SLC35F2: variants seen among roughly 807,000 people sequenced by gnomAD.
The protein encoded by SLC35F2 is solute carrier family 35 member F2, also known as queuine/queuosine transporter SLC35F2.
Under a neutral mutation model 38.1 loss-of-function variants are expected in SLC35F2, and 25 were observed. The observed-to-expected ratio is 0.66, with a 90% CI of 0.48 to 0.92. The LOEUF (loss-of-function observed/expected upper bound fraction) is 0.92. Among genes scored for constraint, SLC35F2 ranks in the 40% least tolerant of loss-of-function variants. SLC35F2 has a pLI of 0.00. For missense variants in SLC35F2, 409 were observed against 452.9 expected (o/e 0.90, Z 0.88); for synonymous variants, 173 against 181.7 (o/e 0.95, Z 0.38).
intron 1 of SLC35F2, among the ~76,000 whole-genome samples, chr11:107,855,633 C>A (rs1336034348): frequency 1.3e-5 from 2 of 149,830 alleles, no homozygotes; most frequent in African/African-American, 2.5e-5. Flanking sequence ...GCCTGGGCAA[C>A]AACAGTGAAA....
chr11:107,810,578 T>C, intron 3 of SLC35F2: 1 of 985,350 alleles, frequency 1.0e-6, no homozygotes, highest in Non-Finnish European at 1.2e-6. Context: ...AACTGCTGGG[T>C]TTAATTTTTA....
chr11:107,833,578 A>T (rs558489047), intron 1 of SLC35F2, among the ~76,000 whole-genome samples: 1 of 152,150 alleles, frequency 6.6e-6, no homozygotes, highest in South Asian at 2.1e-4. Context: ...TGCTGTTCAA[A>T]AGTATCAGAA....
intron 1 of SLC35F2, among the ~76,000 whole-genome samples, chr11:107,823,397 AG>A (rs1859705726): frequency 6.6e-6 from 1 of 152,208 alleles, no homozygotes; most frequent in Non-Finnish European, 1.5e-5. Context: ...ATTTCATATT[AG>A]TGCTAAGACT....
At chr11:107,840,805 C>T (rs1001370419) in intron 1 of SLC35F2, 2 of 152,132 alleles carry the variant, frequency 1.3e-5, no homozygotes, top group Admixed American at 6.6e-5. Flanking sequence ...GTGAGCTGGA[C>T]ACCACCAGTA....
chr11:107,843,857 AAAAAAAAAAAAATATATATATATAT>A (rs764500507), intron 1 of SLC35F2, among the ~76,000 whole-genome samples: 3,302 of 43,002 alleles, frequency 0.077, 142 homozygotes, highest in East Asian at 0.22. Context: ...AAAAAAAAAA[AAAAAAAAAAAAATATATATATATAT>A]ATATATATAT....
Position 107,858,559 on chromosome 11 carries a change from G to C in SLC35F2, c.110+99C>G, listed in dbSNP as rs944309335. The C allele has an allele frequency of 2.4e-5, 27 of 1,103,932 alleles. 1 individual carries two copies. In the African/African-American group the frequency reaches 4.4e-4, roughly 18 times the overall value. 68.4% of individuals were successfully genotyped at this position (1,103,932 alleles called of 1,614,324 possible). On this transcript the variant is annotated intron_variant, in intron 1 of 7. Coordinates refer to ENST00000525815, the MANE Select transcript of SLC35F2 (RefSeq NM_017515.5). ...GTGCGGCCGCCACCTCTGCCTCCCT[G>C]CTGGGGGCCTCAGAGAGTGTGCTCC...
rs1184494553 is a variant in SLC35F2 at position 107,803,161 on chromosome 11, GA to G, written c.785-7del. 4 of 1,588,418 alleles carry G rather than the reference GA, an allele frequency of 2.5e-6. No individual in the cohort carries two copies. Among genetic ancestry groups the G allele is most frequent in the African/African-American group, 1.4e-5 (1 of 73,136 alleles). Reference sequence around the variant, plus strand: ...AAATGCCACGAACAGCAGGGCTGTGGAAAAAAACATGGAATATCTAATATTA... The same window carrying G: ...AAATGCCACGAACAGCAGGGCTGTGGAAAAAACATGGAATATCTAATATTA... On this transcript the variant is annotated splice_polypyrimidine_tract_variant and splice_region_variant and intron_variant, in intron 6 of 7. Transcript: ENST00000525815.
At chr11:107,842,932 GAATA>G (rs1860034397) in intron 1 of SLC35F2, among the ~76,000 whole-genome samples, 1 of 152,174 alleles carries the variant, frequency 6.6e-6, no homozygotes, top group South Asian at 2.1e-4. Context: ...CAGCATGAAT[GAATA>G]AAGTGTGGTA....
At chr11:107,821,339 A>C (rs1031474636) in intron 1 of SLC35F2, 7 of 913,898 alleles carry the variant, frequency 7.7e-6, no homozygotes, top group African/African-American at 1.8e-5. Context: ...CTTCTAAAAA[A>C]AGGAGAGTCA....
At chr11:107,829,173 C>A (rs997741451) in intron 1 of SLC35F2, among the ~76,000 whole-genome samples, 3 of 150,700 alleles carry the variant, frequency 2.0e-5, no homozygotes, top group Middle Eastern at 3.4e-3. Context: ...AATCTCAGCA[C>A]TTTGGAAGGC....
intron 1 of SLC35F2, among the ~76,000 whole-genome samples, chr11:107,850,123 G>A (rs780108743): frequency 6.6e-6 from 1 of 152,170 alleles, no homozygotes; most frequent in Admixed American, 6.5e-5. Context: ...GAAATCAAGG[G>A]TGATTCTGTA....
At chr11:107,809,922 A>G in intron 3 of SLC35F2, 1 of 985,412 alleles carries the variant, frequency 1.0e-6, no homozygotes, top group Non-Finnish European at 1.2e-6. Context: ...TGAGTGGGAA[A>G]TGGGTTGATG....
chr11:107,792,480 C>A lies in SLC35F2; in HGVS notation c.*135G>T. On this transcript the variant is annotated 3_prime_UTR_variant, in exon 8 of 8. Coordinates refer to ENST00000525815, the MANE Select transcript of SLC35F2 (RefSeq NM_017515.5). ...TTTGAACTTTGTTCAGTGTTCCTTT[C>A]TAAAACCTAACCACTGGATCCAACC... is the stretch of plus-strand genomic sequence containing the variant. 1 of 1,031,482 alleles carries A rather than the reference C, an allele frequency of 9.7e-7. No homozygotes were observed. The highest frequency in any genetic ancestry group is 1.9e-5 in the South Asian group (1 of 51,394). The allele number at this position is 1,031,482 out of a possible 1,614,324, so 63.9% of individuals were successfully genotyped here.
intron 7 of SLC35F2, among the ~76,000 whole-genome samples, chr11:107,797,864 T>C (rs1859245334): frequency 6.6e-6 from 1 of 152,186 alleles, no homozygotes; most frequent in African/African-American, 2.4e-5. Flanking sequence ...ATCTAATACA[T>C]AGCACAGGGC....
chr11:107,823,814 A>C (rs755677281), intron 1 of SLC35F2: 25 of 171,350 alleles, frequency 1.5e-4, no homozygotes, highest in Non-Finnish European at 2.2e-4. Flanking sequence ...CTATAGTCCC[A>C]GCTACTCAGG....
intron 1 of SLC35F2, among the ~76,000 whole-genome samples, chr11:107,832,243 C>G (rs906184650): frequency 6.6e-6 from 1 of 152,150 alleles, no homozygotes; most frequent in Admixed American, 6.5e-5. Flanking sequence ...TATTTCCAAT[C>G]AAGACAGCTT....
chr11:107,808,736 C>T (rs981097081), intron 3 of SLC35F2, among the ~76,000 whole-genome samples: 2 of 152,186 alleles, frequency 1.3e-5, no homozygotes, highest in Non-Finnish European at 2.9e-5. Context: ...CTCTAATCTC[C>T]TAAGTGCTTT....
chr11:107,843,252 G>A (rs550976563), intron 1 of SLC35F2, among the ~76,000 whole-genome samples: 3 of 152,068 alleles, frequency 2.0e-5, no homozygotes, highest in Admixed American at 6.6e-5. Context: ...ATGCGTTTAC[G>A]GGAACTTACT....
intron 7 of SLC35F2, among the ~76,000 whole-genome samples, chr11:107,800,903 CTTTTTTT>C (rs71303238): frequency 3.2e-5 from 4 of 126,198 alleles, no homozygotes; most frequent in Non-Finnish European, 1.6e-5. Context: ...GCTATTACTA[CTTTTTTT>C]TTTTTTTTTT....
Sources: gnomAD v4.1 joint callset for allele counts (sites outside exome capture counted in the v4.1 genomes callset) on GRCh38, gnomAD v4.1.1 for gene constraint, MANE v1.5 for transcripts, NCBI Gene and HGNC (gene_info 2026-07-23, HGNC 2026-07-21) for gene names.